The following KIAA1549L variants were observed in gnomAD, a reference collection of about 807,000 sequenced individuals.
KIAA1549L encodes UPF0606 protein KIAA1549L.
In KIAA1549L, 88 loss-of-function variants were observed where a neutral mutation model predicts 160.7. The ratio of observed to expected loss-of-function variants is 0.55; its 90% CI spans 0.46 to 0.65. The LOEUF (loss-of-function observed/expected upper bound fraction) is 0.65, where lower values mean the gene tolerates loss of function less well. Among genes scored for constraint, KIAA1549L ranks in the 30% least tolerant of loss-of-function variants. KIAA1549L has a pLI of 0.00. For missense variants in KIAA1549L, 2,258 were observed against 2,437.5 expected (o/e 0.93, Z 1.55); for synonymous variants, 950 against 976.7 (o/e 0.97, Z 0.51).
chr11:33,512,607 G>A (rs1369156580), intron 1 of KIAA1549L, among the ~76,000 whole-genome samples: 4 of 152,222 alleles, frequency 2.6e-5, no homozygotes, highest in East Asian at 3.9e-4. Flanking sequence ...ATTTTTTGTA[G>A]AGATGGGGTT....
rs776951917 is a variant in KIAA1549L at position 33,583,419 on chromosome 11, T to A, written c.4484T>A (p.Ile1495Asn). Residue 1495 changes from isoleucine to asparagine, a missense_variant, in exon 11 of 21, where the codon ATC (isoleucine) becomes AAC (asparagine). By Grantham distance (149) the Ile-to-Asn change is moderately radical. This residue lies in a region of KIAA1549L where 1,359 missense variants were observed against 1,546.6 expected (regional missense o/e 0.88). Transcript: ENST00000658780. Reference protein sequence around the residue: ...APIAVVTVIIIIITAVLCRKN... With the variant: ...APIAVVTVIINIITAVLCRKN... ...ATTGCCGTGGTCACGGTCATCATCA[T>A]CATCATCACTGCCGTGCTCTGCAGG... 1 of 1,598,120 alleles carries A rather than the reference T, an allele frequency of 6.3e-7. No homozygotes were observed. Among genetic ancestry groups the A allele is most frequent in the East Asian group, 2.3e-5 (1 of 44,090 alleles).
At chr11:33,537,278 T>C (rs188784820) in intron 1 of KIAA1549L, among the ~76,000 whole-genome samples, 1 of 152,332 alleles carries the variant, frequency 6.6e-6, no homozygotes, top group East Asian at 1.9e-4. Flanking sequence ...CACAGGACTA[T>C]GGATCTTTCA....
At chr11:33,645,656 C>T in intron 16 of KIAA1549L, 30 bp from the exon 17 acceptor site, 3 of 1,522,564 alleles carry the variant, frequency 2.0e-6, no homozygotes, top group Non-Finnish European at 2.7e-6. Flanking sequence ...GGAAAGTAAA[C>T]ACATCAATGG....
Position 33,591,427 on chromosome 11 carries a change from C to A in KIAA1549L, c.4751+6C>A. On this transcript the variant is annotated splice_donor_region_variant and intron_variant, in intron 12 of 20. Coordinates refer to ENST00000658780, the MANE Select transcript of KIAA1549L (RefSeq NM_012194.3). ...TCCACTGAAACCAGGAAGAGGTAGGCACGGGGCTGACTTCTGCCTCTCTGT... is the reference window on the plus strand; with the variant it reads ...TCCACTGAAACCAGGAAGAGGTAGGAACGGGGCTGACTTCTGCCTCTCTGT... The A allele has an allele frequency of 6.3e-7, 1 of 1,594,338 alleles. No individual in the cohort carries two copies.
At chr11:33,501,296 A>G (rs748347100) in intron 1 of KIAA1549L, among the ~76,000 whole-genome samples, 2 of 152,240 alleles carry the variant, frequency 1.3e-5, no homozygotes, top group African/African-American at 2.4e-5. Flanking sequence ...TTTAAGATCA[A>G]TCCCTTGTTC....
Position 33,538,743 on chromosome 11 carries a change from A to G in KIAA1549L, c.239-3059A>G, listed in dbSNP as rs141391449. Among the ~76,000 whole-genome samples the G allele has an allele frequency of 4.0e-3, 617 of 152,350 alleles. 4 individuals are homozygous for G. The highest frequency in any genetic ancestry group is 7.1e-3 in the Non-Finnish European group (481 of 68,034). Reference sequence around the variant, plus strand: ...CCTATAGATATTATTTTCTAAATATAGATACTTCCATATAGATATTTTACA... The same window carrying G: ...CCTATAGATATTATTTTCTAAATATGGATACTTCCATATAGATATTTTACA... On this transcript the variant is annotated intron_variant, in intron 1 of 20. Coordinates refer to ENST00000658780, the MANE Select transcript of KIAA1549L (RefSeq NM_012194.3).
At chr11:33,582,798 T>G (rs780350930) in intron 10 of KIAA1549L, among the ~76,000 whole-genome samples, 10 of 152,196 alleles carry the variant, frequency 6.6e-5, no homozygotes, top group Non-Finnish European at 4.4e-5. Flanking sequence ...GTCTTTTGAC[T>G]AGACCGAGGC....
At chr11:33,378,263 A>G (rs544029994) in intron 1 of KIAA1549L, among the ~76,000 whole-genome samples, 4 of 152,264 alleles carry the variant, frequency 2.6e-5, no homozygotes, top group East Asian at 1.9e-4. Context: ...GATGATGTTC[A>G]TTTGTTCAGC....
intron 1 of KIAA1549L, among the ~76,000 whole-genome samples, chr11:33,536,006 G>A (rs571248606): frequency 1.1e-4 from 16 of 152,220 alleles, no homozygotes; most frequent in East Asian, 7.7e-4. Context: ...CCTAATTAGC[G>A]TAGACATAAT....
intron 3 of KIAA1549L, among the ~76,000 whole-genome samples, chr11:33,547,233 T>C (rs1217140980): frequency 2.0e-5 from 3 of 152,238 alleles, no homozygotes; most frequent in African/African-American, 7.2e-5. Flanking sequence ...CCCATCCCTT[T>C]ACCAAACTCA....
intron 1 of KIAA1549L, among the ~76,000 whole-genome samples, chr11:33,532,132 CA>C (rs1853787746): frequency 6.6e-6 from 1 of 152,204 alleles, no homozygotes. Flanking sequence ...TTGACTAAGC[CA>C]GCCCTTGCCC....
intron 1 of KIAA1549L, among the ~76,000 whole-genome samples, chr11:33,474,994 C>T (rs1402409343): frequency 6.6e-6 from 1 of 152,196 alleles, no homozygotes; most frequent in East Asian, 1.9e-4. Context: ...GAATATGTAT[C>T]TTCAGGGAAT....
intron 1 of KIAA1549L, among the ~76,000 whole-genome samples, chr11:33,534,666 T>C (rs1037767110): frequency 2.0e-5 from 3 of 152,232 alleles, no homozygotes; most frequent in Non-Finnish European, 4.4e-5. Flanking sequence ...GTTTCTACTC[T>C]TGCAAAGCTC....
At chr11:33,561,838 C>T in intron 8 of KIAA1549L, 103 bp downstream of exon 8, 2 of 834,748 alleles carry the variant, frequency 2.4e-6, no homozygotes, top group Non-Finnish European at 4.0e-6. Context: ...TTTCTTTGCT[C>T]CTGTCTTATA....
chr11:33,388,603 G>A (rs1348938773), intron 1 of KIAA1549L, among the ~76,000 whole-genome samples: 1 of 152,044 alleles, frequency 6.6e-6, no homozygotes, highest in Non-Finnish European at 1.5e-5. Context: ...TCAGCAACTT[G>A]CTTTTCCCGT....
At position 33,552,254 on chromosome 11, in the gene KIAA1549L, G is replaced by A. The variant is rs1565182632; in HGVS notation, c.3855+13G>A. On this transcript the variant is annotated intron_variant, in intron 6 of 20. Coordinates refer to ENST00000658780, the MANE Select transcript of KIAA1549L (RefSeq NM_012194.3). ...CTTGACAATTCAGGTAGGGAGGAAGGTGCTTCAGGCTGTGTAGTTGACAGA... is the reference window on the plus strand; with the variant it reads ...CTTGACAATTCAGGTAGGGAGGAAGATGCTTCAGGCTGTGTAGTTGACAGA... 5 of 1,593,388 alleles carry A rather than the reference G, an allele frequency of 3.1e-6. No individual in the cohort carries two copies. The highest frequency in any genetic ancestry group is 1.3e-5 in the African/African-American group (1 of 74,600).
chr11:33,441,369 C>T (rs953526090), intron 1 of KIAA1549L, among the ~76,000 whole-genome samples: 17 of 151,638 alleles, frequency 1.1e-4, no homozygotes, highest in East Asian at 3.9e-4. Context: ...TGAATAGTGC[C>T]GCAATAAACA....
intron 1 of KIAA1549L, among the ~76,000 whole-genome samples, chr11:33,503,556 A>G (rs1377644578): frequency 1.3e-5 from 2 of 152,244 alleles, no homozygotes; most frequent in African/African-American, 2.4e-5. Context: ...TTTTCCCTTT[A>G]CAAAGGAATT....
At chr11:33,394,983 C>T (rs184936720) in intron 1 of KIAA1549L, among the ~76,000 whole-genome samples, 2 of 152,188 alleles carry the variant, frequency 1.3e-5, no homozygotes, top group African/African-American at 4.8e-5. Flanking sequence ...CAGGGAGAGG[C>T]TGAAACACGT....
Sources: gnomAD v4.1 joint callset for allele counts (sites outside exome capture counted in the v4.1 genomes callset) on GRCh38, gnomAD v4.1.1 for gene constraint, gnomAD v4.1.1 regional missense constraint, MANE v1.5 for transcripts, NCBI Gene and HGNC (gene_info 2026-07-23, HGNC 2026-07-21) for gene names.